SH3RF1: variants seen among roughly 807,000 people sequenced by gnomAD.
SH3RF1 encodes the protein SH3 domain containing ring finger 1.
SH3RF1 carries 32 observed loss-of-function variants against 74.0 expected under a neutral mutation model. The observed-to-expected ratio is 0.43, with a 90% CI of 0.33 to 0.58. The LOEUF (loss-of-function observed/expected upper bound fraction) is 0.58. Among genes scored for constraint, SH3RF1 ranks in the 20% least tolerant of loss-of-function variants. The pLI is 0.05. For synonymous variants in SH3RF1, 396 were observed against 439.6 expected (o/e 0.90, Z 1.24); for missense variants, 954 against 1,130.9 (o/e 0.84, Z 2.24).
At chr4:169,100,524 T>G (rs1733002480) in intron 11 of SH3RF1, among the ~76,000 whole-genome samples, 1 of 152,138 alleles carries the variant, frequency 6.6e-6, no homozygotes, top group Non-Finnish European at 1.5e-5. Flanking sequence ...GTATTTTCAA[T>G]AGAGACAGGG....
intron 2 of SH3RF1, among the ~76,000 whole-genome samples, chr4:169,177,512 A>C (rs550089001): frequency 6.6e-6 from 1 of 152,222 alleles, no homozygotes; most frequent in Non-Finnish European, 1.5e-5. Context: ...GCACACAATA[A>C]ATTTGTAAAT....
At chr4:169,227,749 AC>A (rs2127005518) in intron 2 of SH3RF1, among the ~76,000 whole-genome samples, 1 of 152,338 alleles carries the variant, frequency 6.6e-6, no homozygotes, top group South Asian at 2.1e-4. Context: ...CAACCATAGA[AC>A]AGTGCCCATC....
intron 2 of SH3RF1, among the ~76,000 whole-genome samples, chr4:169,244,638 A>C (rs1730964379): frequency 6.6e-6 from 1 of 152,204 alleles, no homozygotes; most frequent in Non-Finnish European, 1.5e-5. Flanking sequence ...ACTAACCAAA[A>C]TGTAGGTAGA....
At chr4:169,265,197 A>G (rs978574886) in intron 2 of SH3RF1, among the ~76,000 whole-genome samples, 45 of 152,240 alleles carry the variant, frequency 3.0e-4, no homozygotes, top group Non-Finnish European at 4.7e-4. Flanking sequence ...GATGGACTAC[A>G]CATTCAAAAG....
chr4:169,158,060 G>A (rs774851034), intron 2 of SH3RF1, among the ~76,000 whole-genome samples: 3 of 152,156 alleles, frequency 2.0e-5, no homozygotes, highest in Non-Finnish European at 2.9e-5. Flanking sequence ...TTTTTACCAC[G>A]CAATGTGCAA....
At chr4:169,117,434 C>A in intron 9 of SH3RF1, 89 bp downstream of exon 9, 1 of 1,541,522 alleles carries the variant, frequency 6.5e-7, no homozygotes, top group Non-Finnish European at 8.8e-7. Flanking sequence ...AAAATTACAT[C>A]TACATTTCTC....
chr4:169,257,931 G>C (rs1731218306), intron 2 of SH3RF1, among the ~76,000 whole-genome samples: 1 of 152,074 alleles, frequency 6.6e-6, no homozygotes, highest in Non-Finnish European at 1.5e-5. Flanking sequence ...GGCTTCTAAG[G>C]GAACATTAAA....
intron 2 of SH3RF1, among the ~76,000 whole-genome samples, chr4:169,191,392 A>G (rs1393908495): frequency 1.3e-5 from 2 of 152,136 alleles, no homozygotes; most frequent in Non-Finnish European, 2.9e-5. Flanking sequence ...AAGAAATCAT[A>G]GATGACACAA....
At chr4:169,255,683 G>A (rs1362133830) in intron 2 of SH3RF1, among the ~76,000 whole-genome samples, 1 of 137,758 alleles carries the variant, frequency 7.3e-6, no homozygotes, top group East Asian at 2.1e-4. Flanking sequence ...TAGATCAACT[G>A]ACCCACCCAT....
chr4:169,119,606 G>A (rs1405393522), intron 8 of SH3RF1, among the ~76,000 whole-genome samples: 1 of 151,960 alleles, frequency 6.6e-6, no homozygotes, highest in Non-Finnish European at 1.5e-5. Context: ...TGGATGGGAT[G>A]GATTCTGAAT....
At chr4:169,223,377 A>G (rs1730599706) in intron 2 of SH3RF1, among the ~76,000 whole-genome samples, 1 of 152,214 alleles carries the variant, frequency 6.6e-6, no homozygotes, top group African/African-American at 2.4e-5. Context: ...AGGCAATGTG[A>G]AAGGGGTGGT....
At chr4:169,124,793 A>G (rs1366267667) in intron 6 of SH3RF1, among the ~76,000 whole-genome samples, 1 of 152,226 alleles carries the variant, frequency 6.6e-6, no homozygotes, top group Non-Finnish European at 1.5e-5. Context: ...AACCAAAATA[A>G]TCTGGTGATG....
chr4:169,162,783 C>T (rs752384351), intron 2 of SH3RF1, among the ~76,000 whole-genome samples: 1 of 152,156 alleles, frequency 6.6e-6, no homozygotes. Context: ...GCCAGCCAGC[C>T]CCCCTCCTTA....
rs993620716 is a variant in SH3RF1 at position 169,261,924 on chromosome 4, T to C, written c.393+6896A>G. 1.8e-4 allele frequency among the ~76,000 whole-genome samples: 27 copies of C among 152,196 alleles called. 1 individual carries two copies. The highest frequency in any genetic ancestry group is 6.0e-4 in the African/African-American group (25 of 41,558). ...TTAAAACAAAGAAAAATACTATGAG[T>C]ATTTTTCTTACACTGAGTATTTTTT... is the stretch of plus-strand genomic sequence containing the variant. On this transcript the variant is annotated intron_variant, in intron 2 of 11. Coordinates refer to ENST00000284637, the MANE Select transcript of SH3RF1 (RefSeq NM_020870.4).
At chr4:169,132,052 T>C (rs1305958413) in intron 5 of SH3RF1, among the ~76,000 whole-genome samples, 1 of 152,220 alleles carries the variant, frequency 6.6e-6, no homozygotes, top group East Asian at 1.9e-4. Context: ...CACTGGCGTG[T>C]ACTTTCATTT....
intron 2 of SH3RF1, among the ~76,000 whole-genome samples, chr4:169,192,801 T>C (rs1190612714): frequency 6.7e-6 from 1 of 148,656 alleles, no homozygotes; most frequent in African/African-American, 2.4e-5. Context: ...TTCTTTTATA[T>C]ATATATGATA....
intron 2 of SH3RF1, among the ~76,000 whole-genome samples, chr4:169,248,015 CAG>C (rs1731032892): frequency 6.6e-6 from 1 of 152,154 alleles, no homozygotes; most frequent in Admixed American, 6.5e-5. Flanking sequence ...TGTGGAGAAA[CAG>C]AAATGCTTTT....
chr4:169,196,474 G>A (rs1734813696), intron 2 of SH3RF1, among the ~76,000 whole-genome samples: 2 of 152,200 alleles, frequency 1.3e-5, no homozygotes, highest in Non-Finnish European at 2.9e-5. Context: ...TACTGCTTTT[G>A]CAAAACTGTT....
intron 2 of SH3RF1, among the ~76,000 whole-genome samples, chr4:169,259,745 T>C (rs1731247399): frequency 6.6e-6 from 1 of 152,186 alleles, no homozygotes; most frequent in Admixed American, 6.5e-5. Flanking sequence ...TTCTATCATA[T>C]GTACACCTCA....
Sources: gnomAD v4.1 joint callset for allele counts (sites outside exome capture counted in the v4.1 genomes callset) on GRCh38, gnomAD v4.1.1 for gene constraint, MANE v1.5 for transcripts, NCBI Gene and HGNC (gene_info 2026-07-23, HGNC 2026-07-21) for gene names.